The following WDSUB1 variants were observed in gnomAD, a reference collection of about 807,000 sequenced individuals.
WDSUB1 encodes WD repeat, SAM and U-box domain-containing protein 1.
WDSUB1 carries 49 observed loss-of-function variants against 53.9 expected under a neutral mutation model. That is an observed-to-expected ratio of 0.91 (90% CI 0.72 to 1.15). The LOEUF (loss-of-function observed/expected upper bound fraction) is 1.15, where lower values mean the gene tolerates loss of function less well. Among genes scored for constraint, WDSUB1 ranks in the 50% most tolerant of loss-of-function variants. The pLI, the probability that WDSUB1 is intolerant of heterozygous loss-of-function variation, is 0.00. For synonymous variants in WDSUB1, 194 were observed against 200.6 expected (o/e 0.97, Z 0.28); for missense variants, 514 against 562.0 (o/e 0.91, Z 0.86).
intron 3 of WDSUB1, among the ~76,000 whole-genome samples, chr2:159,277,476 A>G (rs536880247): frequency 1.8e-4 from 28 of 152,354 alleles, no homozygotes; most frequent in African/African-American, 6.0e-4. Flanking sequence ...GGAAAATTAC[A>G]CAGGTTAAAA....
At chr2:159,276,508 T>C (rs758151779) in intron 3 of WDSUB1, among the ~76,000 whole-genome samples, 15 of 152,248 alleles carry the variant, frequency 9.9e-5, no homozygotes, top group Non-Finnish European at 2.9e-5. Context: ...GAAAATATTA[T>C]ATTATTTAGG....
At chr2:159,261,914 T>A (rs2061236328) in intron 5 of WDSUB1, among the ~76,000 whole-genome samples, 5 of 86,090 alleles carry the variant, frequency 5.8e-5, no homozygotes, top group Non-Finnish European at 1.0e-4. Flanking sequence ...TTTTTTTTTT[T>A]TTTTTTTTTT....
intron 5 of WDSUB1, among the ~76,000 whole-genome samples, chr2:159,264,529 AC>A (rs993945249): frequency 6.6e-6 from 1 of 152,210 alleles, no homozygotes; most frequent in Non-Finnish European, 1.5e-5. Context: ...CCTATTTCCC[AC>A]CCCTTCTGGG....
chr2:159,264,580 G>A (rs561858192), intron 5 of WDSUB1, among the ~76,000 whole-genome samples: 42 of 152,254 alleles, frequency 2.8e-4, no homozygotes, highest in African/African-American at 7.9e-4. Context: ...CATGCCTAGC[G>A]GAAAATAAAT....
intron 10 of WDSUB1, among the ~76,000 whole-genome samples, chr2:159,241,954 T>C (rs1559525139): frequency 6.8e-6 from 1 of 147,506 alleles, no homozygotes; most frequent in Non-Finnish European, 1.5e-5. Context: ...GGAAATGCTA[T>C]CCTGCAGATA....
intron 10 of WDSUB1, 89 bp from the exon 11 acceptor site, chr2:159,236,279 A>C: frequency 7.7e-7 from 1 of 1,300,866 alleles, no homozygotes; most frequent in Non-Finnish European, 1.0e-6. Context: ...CTCCCTGCAG[A>C]GGCCTTTATT....
chr2:159,280,410 G>C (rs1213824336), intron 2 of WDSUB1, among the ~76,000 whole-genome samples: 1 of 152,122 alleles, frequency 6.6e-6, no homozygotes, highest in Non-Finnish European at 1.5e-5. Flanking sequence ...ACCCAGAAGT[G>C]GCCGGGCGCG....
intron 9 of WDSUB1, among the ~76,000 whole-genome samples, chr2:159,255,097 T>C (rs2061032917): frequency 6.6e-6 from 1 of 151,276 alleles, no homozygotes. Flanking sequence ...ACCACTGCAC[T>C]CCAGCCTGGG....
At chr2:159,276,580 T>A (rs1325580418) in intron 3 of WDSUB1, among the ~76,000 whole-genome samples, 1 of 152,262 alleles carries the variant, frequency 6.6e-6, no homozygotes, top group Non-Finnish European at 1.5e-5. Flanking sequence ...TTAATTTTAG[T>A]GTATCATTAT....
At chr2:159,268,086 T>C (rs1575476853) in intron 5 of WDSUB1, among the ~76,000 whole-genome samples, 1 of 152,220 alleles carries the variant, frequency 6.6e-6, no homozygotes, top group East Asian at 1.9e-4. Flanking sequence ...ATTATACCGC[T>C]ATAAAATGAA....
In WDSUB1 at chr2:159,264,418, G is replaced by A. The variant is rs572484237; in HGVS notation, c.771-4575C>T. On this transcript the variant is annotated intron_variant, in intron 5 of 10. Transcript: ENST00000359774. ...AGCTAGTCATTGCTGAGCAAGAGGG[G>A]GCTGTTCATGAAAGCACTCCTAACT... Among the ~76,000 whole-genome samples the A allele has an allele frequency of 8.5e-4, 130 of 152,234 alleles. 1 individual carries two copies. The highest frequency in any genetic ancestry group is 5.9e-5 in the Non-Finnish European group (4 of 67,998).
Position 159,256,205 on chromosome 2 carries a change from A to C in WDSUB1, c.1123T>G (p.Leu375Val). Reference sequence around the variant, plus strand: ...CTTTCACTAAGCTTACCAATTTTCAAATCATCAGCCAGACTTTCTTTTGTA... The same window carrying C: ...CTTTCACTAAGCTTACCAATTTTCACATCATCAGCCAGACTTTCTTTTGTA... ...NLTKESLADD[L>V]KIESLGLRSK... The change falls in exon 9 of 11, where the codon TTG (leucine) becomes GTG (valine). Residue 375 changes from leucine (L) to valine (V), a missense_variant. By Grantham distance (32) the Leu-to-Val change is conservative (BLOSUM62 1). Transcript: ENST00000359774. 1 of 1,595,402 alleles carries C rather than the reference A, an allele frequency of 6.3e-7. No homozygotes were observed. The highest frequency in any genetic ancestry group is 8.5e-7 in the Non-Finnish European group (1 of 1,173,692).
intron 2 of WDSUB1, 60 bp downstream of exon 2, chr2:159,282,612 G>GT: frequency 2.3e-5 from 35 of 1,533,966 alleles, no homozygotes; most frequent in South Asian, 8.8e-5. Context: ...TTTGCTTTCA[G>GT]TTTTTTTTAA....
chr2:159,238,276 CAAGGA>C (rs2060541686), intron 10 of WDSUB1, among the ~76,000 whole-genome samples: 4 of 30,676 alleles, frequency 1.3e-4, no homozygotes, highest in African/African-American at 5.8e-4. Flanking sequence ...CCAATTCTAT[CAAGGA>C]ATTTACTTAC....
chr2:159,275,857 C>G (rs535715321), intron 3 of WDSUB1, among the ~76,000 whole-genome samples: 2 of 152,112 alleles, frequency 1.3e-5, no homozygotes. Flanking sequence ...CAAAAAAATA[C>G]CTTTCATTTT....
rs2061615903 is a variant in WDSUB1, at chr2:159,279,848, A to G, written c.496T>C (p.Trp166Arg). The change falls in exon 3 of 11, where the codon TGG becomes CGG. Residue 166 changes from tryptophan to arginine, a missense_variant. Transcript: ENST00000359774. The part of the protein sequence containing the change: ...TGSSCGDLTV[W>R]DDKMRCLHSE... ...TGCAGACACCTCATTTTATCATCCC[A>G]CACTGTTAAATCACCACATGAGGAG... 6.2e-7 allele frequency: 1 copy of G among 1,613,014 alleles called. No homozygotes were observed. The highest frequency in any genetic ancestry group is 8.5e-7 in the Non-Finnish European group (1 of 1,179,242).
At chr2:159,247,926 TAA>T (rs1217047446) in intron 10 of WDSUB1, among the ~76,000 whole-genome samples, 6,996 of 82,282 alleles carry the variant, frequency 0.085, 774 homozygotes, top group African/African-American at 0.36. Context: ...TATATATATA[TAA>T]ATATATATAT....
intron 10 of WDSUB1, among the ~76,000 whole-genome samples, chr2:159,244,258 TGGAA>T (rs1390975742): frequency 1.3e-5 from 2 of 152,016 alleles, no homozygotes; most frequent in Non-Finnish European, 2.9e-5. Context: ...TCATACAAAT[TGGAA>T]AGAAAGAAAT....
intron 9 of WDSUB1, among the ~76,000 whole-genome samples, chr2:159,253,950 TAC>T (rs1156452771): frequency 4.6e-5 from 7 of 152,342 alleles, no homozygotes; most frequent in African/African-American, 1.7e-4. Flanking sequence ...AAATAAATGT[TAC>T]AGTCAATTTT....
Sources: allele counts gnomAD v4.1 joint callset (sites outside exome capture counted in the v4.1 genomes callset), GRCh38; gene constraint gnomAD v4.1.1; transcripts MANE v1.5; gene names NCBI Gene and HGNC (gene_info 2026-07-23, HGNC 2026-07-21).